Variants in KIF15 observed in about 807,000 individuals in gnomAD.
The protein encoded by KIF15 is kinesin family member 15.
KIF15 carries 140 observed loss-of-function variants against 190.6 expected under a neutral mutation model. That is an observed-to-expected ratio of 0.73 (90% CI 0.64 to 0.84). KIF15 has a LOEUF of 0.84. Among genes scored for constraint, KIF15 ranks in the 40% least tolerant of loss-of-function variants. The probability of loss-of-function intolerance (pLI) is 0.00; values close to 1 mark genes in which losing one functional copy is unlikely to be tolerated. For synonymous variants in KIF15, 528 were observed against 551.3 expected, an observed-to-expected ratio of 0.96 and a Z score of 0.59; for missense variants, 1,372 against 1,584.4, an observed-to-expected ratio of 0.87 and a Z score of 2.28.
chr3:44,863,586 T>C (rs1043613323), intron 6 of KIF15: 4 of 152,576 alleles, frequency 2.6e-5, no homozygotes, highest in African/African-American at 9.7e-5. Context: ...TGTAGCACTT[T>C]AGGAAGGTTA....
chr3:44,817,903 C>T (rs1708098455), intron 20 of KIF15, among the ~76,000 whole-genome samples: 1 of 152,100 alleles, frequency 6.6e-6, no homozygotes, highest in Non-Finnish European at 1.5e-5. Context: ...TTGTTTGTGT[C>T]CTCTTTTATT....
Position 44,838,388 on chromosome 3 carries a change from G to A in KIF15, c.3285G>A (p.Lys1095=). 1 of 1,613,828 alleles carries A rather than the reference G, an allele frequency of 6.2e-7. No homozygotes were observed. The highest frequency in any genetic ancestry group is 1.1e-5 in the South Asian group (1 of 91,038). The change falls in exon 27 of 35, where the codon AAG becomes AAA. Residue 1095 remains lysine, a synonymous_variant. Coordinates refer to ENST00000326047, the MANE Select transcript of KIF15 (RefSeq NM_020242.3). ...LLQSAQEELT[K]KEALIQELQH... The stretch of plus-strand genomic sequence containing the variant: ...AGTCTGCCCAGGAAGAACTGACCAA[G>A]AAGGAAGCCCTGATTCAGGAACTTC...
chr3:44,775,193 A>G, intron 2 of KIF15, 61 bp from the exon 3 acceptor site: 2 of 1,342,714 alleles, frequency 1.5e-6, no homozygotes, highest in Non-Finnish European at 2.1e-6. Flanking sequence ...TGAGACTTGG[A>G]TCCTTTTTCA....
chr3:44,859,077 G>A (rs762713776), intron 6 of KIF15, among the ~76,000 whole-genome samples: 22 of 152,236 alleles, frequency 1.4e-4, no homozygotes, highest in Non-Finnish European at 2.2e-4. Flanking sequence ...GTTGGGACAC[G>A]GCTTAGGAGG....
At chr3:44,817,599 T>C (rs142085792) in intron 20 of KIF15, among the ~76,000 whole-genome samples, 1,602 of 152,330 alleles carry the variant, frequency 0.011, 19 homozygotes, top group Middle Eastern at 0.027. Flanking sequence ...CGTTGGTCTA[T>C]ATCTCTGTTT....
At position 44,847,983 on chromosome 3, in the gene KIF15, A is replaced by G; in HGVS notation, c.3696-2A>G. The G allele has an allele frequency of 1.9e-6, 3 of 1,605,376 alleles. No homozygotes were observed. Among genetic ancestry groups the G allele is most frequent in the Non-Finnish European group, 2.6e-6 (3 of 1,174,938 alleles). ...TCCTCCCACCCCTGTTAATCTATGC[A>G]GTGATCAGAATCATCCAGATAATCA... On this transcript the variant is annotated splice_acceptor_variant, in intron 30 of 34. Transcript: ENST00000326047. LOFTEE classifies it high-confidence loss of function.
chr3:44,833,003 C>A (rs1392092808), intron 26 of KIF15, among the ~76,000 whole-genome samples: 1 of 79,364 alleles, frequency 1.3e-5, no homozygotes. Flanking sequence ...GATCGAGACT[C>A]CATCTCAAAA....
downstream of KIF15, among the ~76,000 whole-genome samples, chr3:44,854,209 A>C (rs2125735117): frequency 6.6e-6 from 1 of 152,112 alleles, no homozygotes; most frequent in African/African-American, 2.4e-5. Flanking sequence ...ACATGGCAAA[A>C]CCCCATCTCT....
chr3:44,848,510 T>C lies in KIF15; in HGVS notation c.3769-11T>C, dbSNP rs1322687846. 9.2e-7 allele frequency: 1 copy of C among 1,084,212 alleles called. No individual in the cohort carries two copies. The highest frequency in any genetic ancestry group is 1.4e-5 in the South Asian group (1 of 70,228). 67.2% of individuals were successfully genotyped at this position (1,084,212 alleles called of 1,614,324 possible). A position where few individuals can be genotyped will look rare whatever the true frequency, so the allele number is the denominator to read the frequency against. On this transcript the variant is annotated splice_polypyrimidine_tract_variant and intron_variant, in intron 31 of 34. Transcript: ENST00000326047. ...CAATCTTTTTATTTTCTTTTTTTAA[T>C]CTTCTTATAGAGTAAAATAGTTGAA...
Position 44,828,214 on chromosome 3 carries a change from A to G in KIF15, c.2857A>G (p.Met953Val), listed in dbSNP as rs748152766. ...QKETAKCEQQ[M>V]AKVQKLEESL... Reference sequence around the variant, plus strand: ...TAAAAATATTTCTTTTTCACCATAGATGGCAAAAGTACAGAAACTAGAAGA... The same window carrying G: ...TAAAAATATTTCTTTTTCACCATAGGTGGCAAAAGTACAGAAACTAGAAGA... Residue 953 changes from methionine (M) to valine (V), a missense_variant and splice_region_variant, in exon 24 of 35, where the codon ATG becomes GTG. Physicochemically the swap from Met to Val is conservative, Grantham distance 21. Coordinates refer to ENST00000326047, the MANE Select transcript of KIF15 (RefSeq NM_020242.3). The G allele has an allele frequency of 3.7e-6, 6 of 1,610,116 alleles. No homozygotes were observed. The East Asian group carries it at 6.7e-5, about 18-fold the overall frequency.
intron 10 of KIF15, among the ~76,000 whole-genome samples, chr3:44,799,610 T>C (rs1575608527): frequency 1.3e-5 from 2 of 150,226 alleles, no homozygotes; most frequent in African/African-American, 4.9e-5. Context: ...CAGGCTGGAG[T>C]GCAGTGGCGC....
intron 7 of KIF15, among the ~76,000 whole-genome samples, chr3:44,793,957 T>C (rs922358927): frequency 6.6e-6 from 1 of 151,522 alleles, no homozygotes; most frequent in Non-Finnish European, 1.5e-5. Flanking sequence ...CATGGCTCAC[T>C]GCAGCCTTGA....
intron 16 of KIF15, 48 bp from the exon 17 acceptor site, chr3:44,810,798 C>T: frequency 5.0e-6 from 7 of 1,406,698 alleles, no homozygotes; most frequent in South Asian, 1.3e-5. Context: ...TTAAATATGC[C>T]CTTTTTAAAT....
At chr3:44,823,387 G>A (rs878918770) in intron 20 of KIF15, among the ~76,000 whole-genome samples, 10 of 152,130 alleles carry the variant, frequency 6.6e-5, no homozygotes, top group East Asian at 1.9e-4. Flanking sequence ...TGGAAGCTTC[G>A]TCCCAGAGGG....
Position 44,802,014 on chromosome 3 carries a change from A to T in KIF15, c.1509+40A>T, listed in dbSNP as rs72875739. The T allele has an allele frequency of 2.6e-3, 3,612 of 1,415,304 alleles. 61 individuals are homozygous for T. In the African/African-American group the frequency reaches 0.039, roughly 15 times the overall value. The allele number at this position is 1,415,304 out of a possible 1,614,324, so 87.7% of individuals were successfully genotyped here. ...TCTATAATATTTCTAAAAATAAAAG[A>T]AGTTCAAAGCAAATCTAAGTTTGTC... On this transcript the variant is annotated intron_variant, in intron 13 of 34. Transcript: ENST00000326047.
At chr3:44,862,255 C>T (rs1051732884) in intron 6 of KIF15, 7 of 556,768 alleles carry the variant, frequency 1.3e-5, no homozygotes, top group African/African-American at 4.1e-5. Context: ...GCACCCTCGC[C>T]GGTCTGTCCC....
At chr3:44,775,557 G>A in intron 3 of KIF15, 120 bp downstream of exon 3, 4 of 656,494 alleles carry the variant, frequency 6.1e-6, no homozygotes, top group Non-Finnish European at 1.0e-5. Context: ...CCGGGTTCAA[G>A]TGATTCTCCT....
intron 19 of KIF15, among the ~76,000 whole-genome samples, chr3:44,813,635 T>G (rs1463340276): frequency 4.7e-5 from 7 of 150,126 alleles, no homozygotes; most frequent in South Asian, 2.1e-4. Context: ...GTTTTGTTTT[T>G]TTTTTTTTTG....
intron 17 of KIF15, 56 bp downstream of exon 17, chr3:44,811,099 C>A: frequency 7.5e-7 from 1 of 1,335,704 alleles, no homozygotes; most frequent in Non-Finnish European, 1.0e-6. Flanking sequence ...AATACATTTG[C>A]TTTGTTATTT....
Sources: allele counts gnomAD v4.1 joint callset (sites outside exome capture counted in the v4.1 genomes callset), GRCh38; gene constraint gnomAD v4.1.1; transcripts MANE v1.5; gene names NCBI Gene and HGNC (gene_info 2026-07-23, HGNC 2026-07-21).